Variants in NRP2 observed in about 807,000 individuals in gnomAD.
The protein encoded by NRP2 is neuropilin 2, also known as neuropilin-2.
NRP2 carries 52 observed loss-of-function variants against 110.4 expected under a neutral mutation model. That is an observed-to-expected ratio of 0.47 (90% CI 0.38 to 0.59). The LOEUF (loss-of-function observed/expected upper bound fraction) is 0.59. Among genes scored for constraint, NRP2 ranks in the 20% least tolerant of loss-of-function variants. The pLI is 0.00. For synonymous variants in NRP2, 508 were observed against 468.9 expected (o/e 1.08, Z -1.08); for missense variants, 1,049 against 1,203.0 (o/e 0.87, Z 1.89).
In NRP2 at chr2:205,796,050, A is replaced by T. The variant is rs1479246021; in HGVS notation, c.*992A>T. ...TATTCTCAGAGGCAGGGGAAAATAG[A>T]GGGAAAAATAGAGACTATTGGTATG... On this transcript the variant is annotated 3_prime_UTR_variant, in exon 17 of 17. Coordinates refer to ENST00000357785, the MANE Select transcript of NRP2 (RefSeq NM_003872.3). 3 of 152,216 alleles carry T rather than the reference A, an allele frequency of 2.0e-5. No homozygotes were observed. Among genetic ancestry groups the T allele is most frequent in the Admixed American group, 2.0e-4 (3 of 15,276 alleles). 9.4% of individuals were successfully genotyped at this position (152,216 alleles called of 1,614,324 possible). A position where few individuals can be genotyped will look rare whatever the true frequency, so the allele number is the denominator to read the frequency against.
intron 2 of NRP2, chr2:205,700,713 G>A (rs756024636): frequency 1.9e-6 from 1 of 518,848 alleles, no homozygotes; most frequent in Non-Finnish European, 3.8e-6. Flanking sequence ...GAAGCTTGCT[G>A]TCTGCTTGGA....
At chr2:205,772,617 A>T (rs1293158117) in intron 15 of NRP2, among the ~76,000 whole-genome samples, 1 of 152,246 alleles carries the variant, frequency 6.6e-6, no homozygotes, top group Non-Finnish European at 1.5e-5. Context: ...GAAAAAAGAC[A>T]TGTGAGTAAG....
intron 15 of NRP2, among the ~76,000 whole-genome samples, chr2:205,782,416 T>C (rs2058185263): frequency 6.6e-6 from 1 of 152,166 alleles, no homozygotes; most frequent in Admixed American, 6.5e-5. Flanking sequence ...AGGGAGACTT[T>C]ATAGTAACTG....
chr2:205,731,199 A>C (rs1257772430), intron 7 of NRP2, among the ~76,000 whole-genome samples: 1 of 152,218 alleles, frequency 6.6e-6, no homozygotes, highest in East Asian at 1.9e-4. Context: ...GATGGAATCC[A>C]TATCCAACCC....
intron 10 of NRP2, among the ~76,000 whole-genome samples, chr2:205,746,741 G>C (rs555202411): frequency 1.3e-5 from 2 of 152,318 alleles, no homozygotes; most frequent in African/African-American, 4.8e-5. Flanking sequence ...TCCTGTCTGT[G>C]CCGTACCTGT....
At chr2:205,767,509 C>T (rs1212604387) in intron 15 of NRP2, 5 of 478,906 alleles carry the variant, frequency 1.0e-5, no homozygotes, top group Non-Finnish European at 2.1e-5. Flanking sequence ...AGGACGTGTT[C>T]TCCCCCGAGA....
intron 2 of NRP2, among the ~76,000 whole-genome samples, chr2:205,712,507 G>A (rs187468447): frequency 2.6e-5 from 4 of 152,238 alleles, no homozygotes; most frequent in East Asian, 1.9e-4. Flanking sequence ...ATGCAAAGCC[G>A]TATTTATTCC....
chr2:205,716,080 T>C (rs1177410554), intron 2 of NRP2, 113 bp from the exon 3 acceptor site: 1 of 1,163,098 alleles, frequency 8.6e-7, no homozygotes, highest in East Asian at 2.3e-5. Context: ...CGCTTATCCA[T>C]CTGAAACACC....
intron 10 of NRP2, among the ~76,000 whole-genome samples, chr2:205,749,214 C>T (rs2057595904): frequency 6.6e-6 from 1 of 152,310 alleles, no homozygotes; most frequent in East Asian, 1.9e-4. Flanking sequence ...TTCCCCTGCC[C>T]TCACAACCAC....
At chr2:205,790,733 C>G (rs1001437595) in intron 15 of NRP2, among the ~76,000 whole-genome samples, 1 of 152,022 alleles carries the variant, frequency 6.6e-6, no homozygotes, top group Middle Eastern at 3.2e-3. Flanking sequence ...CACCACCTTC[C>G]TCTTGTTGAT....
At chr2:205,740,444 C>A (rs2105865492) in intron 7 of NRP2, 75 bp from the exon 8 acceptor site, 1 of 1,509,058 alleles carries the variant, frequency 6.6e-7, no homozygotes, top group Non-Finnish European at 9.2e-7. Context: ...CTTTCCCATC[C>A]CCTTCAAAGA....
Position 205,742,320 on chromosome 2 carries a change from G to A in NRP2, c.1292-883G>A, listed in dbSNP as rs78614646. ...AGGCACACACTGGGAATGGGACATA[G>A]AGACAGGAACAAAATAGATGGGGTC... On this transcript the variant is annotated intron_variant, in intron 8 of 16. Transcript: ENST00000357785. Among the ~76,000 whole-genome samples the A allele has an allele frequency of 2.1e-3, 326 of 152,326 alleles. 5 individuals are homozygous for A. The highest frequency in any genetic ancestry group is 7.5e-3 in the African/African-American group (310 of 41,570).
intron 7 of NRP2, among the ~76,000 whole-genome samples, chr2:205,736,034 C>A (rs962221173): frequency 3.9e-5 from 6 of 152,292 alleles, no homozygotes; most frequent in African/African-American, 1.4e-4. Flanking sequence ...ATACTAAGAT[C>A]TTTCTTTTAA....
At chr2:205,767,571 C>A in intron 15 of NRP2, 1 of 294,034 alleles carries the variant, frequency 3.4e-6, no homozygotes, top group Non-Finnish European at 6.8e-6. Flanking sequence ...TTGCCTCATC[C>A]AGGTTATAAA....
intron 1 of NRP2, among the ~76,000 whole-genome samples, chr2:205,688,000 G>A (rs1309768259): frequency 2.6e-5 from 4 of 152,202 alleles, no homozygotes; most frequent in African/African-American, 9.6e-5. Context: ...AACTGACTCA[G>A]GATGACCTGA....
intron 9 of NRP2, among the ~76,000 whole-genome samples, chr2:205,744,224 A>G (rs2057497664): frequency 6.6e-6 from 1 of 152,102 alleles, no homozygotes; most frequent in Admixed American, 6.5e-5. Context: ...CCTACTGAAC[A>G]CTGCCTTTTT....
At chr2:205,720,262 CTTTT>C (rs202203741) in intron 3 of NRP2, among the ~76,000 whole-genome samples, 5 of 129,180 alleles carry the variant, frequency 3.9e-5, no homozygotes, top group Admixed American at 7.8e-5. Context: ...TTTTTTCTTT[CTTTT>C]TTTTTTTTTT....
chr2:205,707,690 C>A (rs1262046921), intron 2 of NRP2, among the ~76,000 whole-genome samples: 9 of 152,148 alleles, frequency 5.9e-5, no homozygotes, highest in Non-Finnish European at 1.5e-5. Flanking sequence ...TGGTGGATTC[C>A]CTGGTGCCCA....
intron 7 of NRP2, among the ~76,000 whole-genome samples, chr2:205,730,979 A>G (rs1363879032): frequency 5.9e-5 from 9 of 152,222 alleles, no homozygotes; most frequent in Admixed American, 5.2e-4. Context: ...GAGGTCGCCT[A>G]TGAGAAAGTG....
Sources: allele counts gnomAD v4.1 joint callset (sites outside exome capture counted in the v4.1 genomes callset), GRCh38; gene constraint gnomAD v4.1.1; transcripts MANE v1.5; gene names NCBI Gene and HGNC (gene_info 2026-07-23, HGNC 2026-07-21).